Variants in FKBP6 observed in about 807,000 individuals in gnomAD.
The protein encoded by FKBP6 is inactive peptidyl-prolyl cis-trans isomerase FKBP6.
A neutral mutation model predicts 41.7 loss-of-function variants in FKBP6; 29 were observed. The ratio of observed to expected loss-of-function variants is 0.70; its 90% CI spans 0.52 to 0.95. The LOEUF is 0.95. FKBP6 is among the 40% of genes least tolerant of loss of function. The pLI is 0.00. For synonymous variants in FKBP6, 130 were observed against 165.1 expected (o/e 0.79, Z 1.63); for missense variants, 338 against 408.7 (o/e 0.83, Z 1.49).
chr7:73,333,323 A>G (rs1231483940), intron 5 of FKBP6, among the ~76,000 whole-genome samples: 1 of 151,354 alleles, frequency 6.6e-6, no homozygotes, highest in Non-Finnish European at 1.5e-5. Context: ...TCTGGAACAT[A>G]CTCATATAGG....
rs782520222 is a variant in FKBP6 at position 73,341,322 on chromosome 7, G to A, written c.833G>A (p.Arg278Gln). The A allele has an allele frequency of 2.4e-5, 39 of 1,613,808 alleles. No homozygotes were observed. The highest frequency in any genetic ancestry group is 1.0e-4 in the Admixed American group (6 of 60,008). Reference sequence around the variant, plus strand: ...CAAAAGGCCCGGGATTTTCTAGTTCGAGCCCAGAAGGAGCAACCCTTCAAT... The same window carrying A: ...CAAAAGGCCCGGGATTTTCTAGTTCAAGCCCAGAAGGAGCAACCCTTCAAT... The part of the protein sequence containing the change: ...EYQKARDFLV[R>Q]AQKEQPFNHD... The change falls in exon 7 of 9, where the codon CGA (arginine) becomes CAA (glutamine). Residue 278 changes from arginine to glutamine, a missense_variant. Transcript: ENST00000252037.
chr7:73,335,619 A>G (rs1402158661), intron 5 of FKBP6, among the ~76,000 whole-genome samples: 1 of 152,072 alleles, frequency 6.6e-6, no homozygotes, highest in African/African-American at 2.4e-5. Flanking sequence ...GGGGCAGTGG[A>G]CGGGGTGGGG....
intron 7 of FKBP6, 106 bp downstream of exon 7, chr7:73,341,488 T>C (rs1271749756): frequency 1.3e-6 from 1 of 794,140 alleles, no homozygotes; most frequent in Non-Finnish European, 2.2e-6. Flanking sequence ...TTGCCCAGAG[T>C]GTTAGGAGGC....
intron 8 of FKBP6, among the ~76,000 whole-genome samples, chr7:73,346,540 T>C (rs1222095972): frequency 3.9e-5 from 6 of 152,068 alleles, no homozygotes; most frequent in African/African-American, 1.4e-4. Context: ...GTCCTTTCAT[T>C]TGGGGCCTCC....
chr7:73,331,012 C>T (rs1377572743), intron 4 of FKBP6, among the ~76,000 whole-genome samples: 1 of 152,212 alleles, frequency 6.6e-6, no homozygotes, highest in Non-Finnish European at 1.5e-5. Context: ...GGAGTCTCCC[C>T]AGCTAAACTG....
rs71925165 is a variant in FKBP6, at chr7:73,356,065, C to CAA, written c.*3-2090_*3-2089dup. On this transcript the variant is annotated intron_variant, in intron 8 of 8. Transcript: ENST00000252037. Reference sequence around the variant, plus strand: ...TGGGCGACAGAGCAAGACTCTGTCTCAAAAAAAAAAAAAAAAAAAAAAAAA... The same window carrying CAA: ...TGGGCGACAGAGCAAGACTCTGTCTCAAAAAAAAAAAAAAAAAAAAAAAAAAA... Among the ~76,000 whole-genome samples the CAA allele has an allele frequency of 1.4e-3, 46 of 32,184 alleles. 1 individual carries two copies. The highest frequency in any genetic ancestry group is 2.0e-3 in the Non-Finnish European group (29 of 14,570). The allele number at this position is 32,184 out of a possible 152,430, so 21.1% of individuals were successfully genotyped here.
chr7:73,335,064 T>C (rs1804960431), intron 5 of FKBP6, among the ~76,000 whole-genome samples: 2 of 151,082 alleles, frequency 1.3e-5, no homozygotes, highest in South Asian at 4.2e-4. Context: ...CAGAACCTGT[T>C]CTCCAGGCTT....
At chr7:73,348,032 C>T (rs1442786942) in intron 8 of FKBP6, among the ~76,000 whole-genome samples, 6 of 152,282 alleles carry the variant, frequency 3.9e-5, no homozygotes, top group Admixed American at 3.9e-4. Context: ...AGGTCCCTTA[C>T]TTCTAGAGGC....
intron 8 of FKBP6, among the ~76,000 whole-genome samples, chr7:73,355,188 A>T (rs1177007878): frequency 6.6e-6 from 1 of 152,206 alleles, no homozygotes; most frequent in African/African-American, 2.4e-5. Flanking sequence ...CCTGGTTCGT[A>T]GGAATGGATT....
chr7:73,330,628 C>G (rs1339580759), intron 4 of FKBP6, among the ~76,000 whole-genome samples: 1 of 152,186 alleles, frequency 6.6e-6, no homozygotes, highest in Non-Finnish European at 1.5e-5. Flanking sequence ...GCCTAGTTCT[C>G]CCTGTGAGAC....
intron 8 of FKBP6, among the ~76,000 whole-genome samples, chr7:73,357,667 T>C (rs1325319051): frequency 1.3e-5 from 2 of 152,034 alleles, no homozygotes; most frequent in African/African-American, 4.8e-5. Flanking sequence ...TCTCAGGTGC[T>C]GGCTCCTTTG....
At chr7:73,329,186 A>G (rs1804746236) in intron 2 of FKBP6, among the ~76,000 whole-genome samples, 174 bp from the exon 3 acceptor site, 1 of 152,130 alleles carries the variant, frequency 6.6e-6, no homozygotes, top group Admixed American at 6.6e-5. Flanking sequence ...TGAACCTCTG[A>G]GCCAAAGGGC....
intron 7 of FKBP6, among the ~76,000 whole-genome samples, chr7:73,342,203 A>C (rs1417292272): frequency 6.6e-6 from 1 of 152,204 alleles, no homozygotes; most frequent in African/African-American, 2.4e-5. Flanking sequence ...CCATTGTAGA[A>C]AACCTTGAAA....
chr7:73,346,717 C>G (rs1360591072), intron 8 of FKBP6, among the ~76,000 whole-genome samples: 1 of 152,112 alleles, frequency 6.6e-6, no homozygotes, highest in African/African-American at 2.4e-5. Context: ...TGGACGTGAA[C>G]CTACTGGCAA....
At chr7:73,343,308 G>A (rs1267785198) in intron 8 of FKBP6, among the ~76,000 whole-genome samples, 1 of 152,090 alleles carries the variant, frequency 6.6e-6, no homozygotes, top group Non-Finnish European at 1.5e-5. Context: ...GCTGTGAGCC[G>A]TGGCGCTCAG....
At chr7:73,354,876 G>A (rs933808290) in intron 8 of FKBP6, among the ~76,000 whole-genome samples, 2 of 152,136 alleles carry the variant, frequency 1.3e-5, no homozygotes, top group Non-Finnish European at 2.9e-5. Context: ...GGCTGGGGCT[G>A]CGAGGCAGGG....
In FKBP6 at chr7:73,340,749, C is replaced by T. The variant is rs782596923; in HGVS notation, c.700C>T (p.Arg234Ter). The change falls in exon 6 of 9, where the codon CGA (arginine) becomes TGA (stop). Residue 234 changes from arginine (R) to a stop codon, truncating the protein, a stop_gained. Coordinates refer to ENST00000252037, the MANE Select transcript of FKBP6 (RefSeq NM_003602.5). LOFTEE classifies it high-confidence loss of function. ...GTCCTTTACATACCTGAAGCTAGAC[C>T]GACCCACCATAGCCCTGTGCTATGG... Reference protein sequence around the residue: ...NLSFTYLKLDRPTIALCYGEQ... With the variant: ...NLSFTYLKLD The T allele has an allele frequency of 1.7e-5, 28 of 1,613,708 alleles. No individual in the cohort carries two copies. The highest frequency in any genetic ancestry group is 2.2e-5 in the Non-Finnish European group (26 of 1,179,942).
intron 8 of FKBP6, among the ~76,000 whole-genome samples, chr7:73,349,565 A>G (rs1415260540): frequency 6.8e-6 from 1 of 146,520 alleles, no homozygotes; most frequent in Admixed American, 6.9e-5. Flanking sequence ...AAAAAAAAAA[A>G]AATACAGGCG....
chr7:73,347,732 C>CT (rs782731533), intron 8 of FKBP6, among the ~76,000 whole-genome samples: 15 of 152,324 alleles, frequency 9.8e-5, no homozygotes, highest in Non-Finnish European at 1.9e-4. Flanking sequence ...GCAGCCTCAA[C>CT]TTCCCAGGCT....
Sources: gnomAD v4.1 joint callset for allele counts (sites outside exome capture counted in the v4.1 genomes callset) on GRCh38, gnomAD v4.1.1 for gene constraint, MANE v1.5 for transcripts, NCBI Gene and HGNC (gene_info 2026-07-23, HGNC 2026-07-21) for gene names.